Variants in PCDHA4 observed in about 807,000 individuals in gnomAD.
PCDHA4 encodes protocadherin alpha-4.
In PCDHA4, 49 loss-of-function variants were observed where a neutral mutation model predicts 61.4. The observed-to-expected ratio is 0.80, with a 90% CI of 0.63 to 1.01. The LOEUF (loss-of-function observed/expected upper bound fraction) is 1.01, where lower values mean the gene tolerates loss of function less well. PCDHA4 is among the 50% of genes least tolerant of loss of function. The pLI is 0.00. For missense variants in PCDHA4, 1,254 were observed against 1,235.8 expected, an observed-to-expected ratio of 1.01 and a Z score of -0.22; for synonymous variants, 590 against 550.3, an observed-to-expected ratio of 1.07 and a Z score of -1.01.
chr5:140,963,196 GA>G (rs199602110), intron 1 of PCDHA4, among the ~76,000 whole-genome samples: 26 of 147,674 alleles, frequency 1.8e-4, no homozygotes, highest in South Asian at 4.3e-4. Context: ...CTGTGAAAAT[GA>G]AAAAAAAAAC....
At position 140,877,671 on chromosome 5, in the gene PCDHA4, G is replaced by T. The variant is rs138162923; in HGVS notation, c.2385+68099G>T. 2.5e-6 allele frequency: 4 copies of T among 1,613,620 alleles called. No individual in the cohort carries two copies. The South Asian group carries it at 3.3e-5, about 13-fold the overall frequency. On this transcript the variant is annotated intron_variant, in intron 1 of 3. Coordinates refer to ENST00000530339, the MANE Select transcript of PCDHA4 (RefSeq NM_018907.4). ...CGCCGCCCACCGTGAGCCGGTGCGC[G>T]CCGGGCAAGCCCACGCTGGTGTGCT...
At chr5:140,938,796 C>T (rs563991147) in intron 1 of PCDHA4, among the ~76,000 whole-genome samples, 4 of 152,138 alleles carry the variant, frequency 2.6e-5, no homozygotes, top group East Asian at 3.9e-4. Context: ...ATGAAATAAT[C>T]GGTACCACAA....
At chr5:140,860,734 GTTTTTTA>G (rs1404225189) in intron 1 of PCDHA4, 2 of 152,108 alleles carry the variant, frequency 1.3e-5, no homozygotes, top group Non-Finnish European at 2.9e-5. Context: ...TGGTTTTTTT[GTTTTTTA>G]TTTTTTATTT....
At chr5:140,822,552 A>G (rs2150117268) in intron 1 of PCDHA4, 1 of 1,613,382 alleles carries the variant, frequency 6.2e-7, no homozygotes, top group Non-Finnish European at 8.5e-7. Context: ...GTGGGACATT[A>G]GTTATTAAAC....
At chr5:140,841,190 T>C (rs1442612057) in intron 1 of PCDHA4, 14 of 1,237,774 alleles carry the variant, frequency 1.1e-5, no homozygotes, top group Non-Finnish European at 1.6e-5. Context: ...TCAAAGTCTT[T>C]TCTCTGACAG....
At chr5:140,900,369 CTGGGT>C (rs1554189090) in intron 1 of PCDHA4, among the ~76,000 whole-genome samples, 2 of 152,158 alleles carry the variant, frequency 1.3e-5, no homozygotes, top group Non-Finnish European at 2.9e-5. Flanking sequence ...CCTCTGCCTC[CTGGGT>C]TCAAGCGATT....
chr5:140,844,325 T>G (rs2150370543), intron 1 of PCDHA4, among the ~76,000 whole-genome samples: 1 of 149,576 alleles, frequency 6.7e-6, no homozygotes, highest in African/African-American at 2.4e-5. Context: ...AATTTTATTA[T>G]AAACTAGTTA....
rs1274715970 is a variant in PCDHA4, at chr5:140,849,195, G to A, written c.2385+39623G>A. ...CGTTCAATTACTCATCACGGTACTG[G>A]ACAACAATGACAATGCCCCAGTGTT... On this transcript the variant is annotated intron_variant, in intron 1 of 3. Coordinates refer to ENST00000530339, the MANE Select transcript of PCDHA4 (RefSeq NM_018907.4). The A allele has an allele frequency of 2.4e-5, 25 of 1,038,632 alleles. 3 individuals carry two copies. The highest frequency in any genetic ancestry group is 1.1e-4 in the Admixed American group (4 of 36,524). 64.3% of individuals were successfully genotyped at this position (1,038,632 alleles called of 1,614,324 possible).
At chr5:140,874,845 A>G (rs1201887753) in intron 1 of PCDHA4, among the ~76,000 whole-genome samples, 1 of 152,236 alleles carries the variant, frequency 6.6e-6, no homozygotes, top group Non-Finnish European at 1.5e-5. Flanking sequence ...GGTATTAGAC[A>G]TATTTTAGTT....
intron 1 of PCDHA4, chr5:140,834,806 C>T (rs1160090879): frequency 1.9e-6 from 3 of 1,612,728 alleles, no homozygotes; most frequent in African/African-American, 1.3e-5. Flanking sequence ...GGAATCTGTT[C>T]ATCGCGGAAT....
At chr5:140,844,853 C>T (rs1215427504) in intron 1 of PCDHA4, among the ~76,000 whole-genome samples, 1 of 149,202 alleles carries the variant, frequency 6.7e-6, no homozygotes, top group Admixed American at 6.7e-5. Flanking sequence ...ACTGTTGGAC[C>T]TGCCTGGATA....
intron 3 of PCDHA4, among the ~76,000 whole-genome samples, chr5:140,988,057 C>G (rs557714672): frequency 2.0e-4 from 30 of 152,188 alleles, no homozygotes; most frequent in Non-Finnish European, 3.7e-4. Context: ...GCACTGTCAA[C>G]ATGAATTTTT....
chr5:140,879,869 T>C lies in PCDHA4; in HGVS notation c.2385+70297T>C, dbSNP rs782705975. Among the ~76,000 whole-genome samples, 13 of 152,220 alleles carry C rather than the reference T, an allele frequency of 8.5e-5. 1 individual carries two copies. The highest frequency in any genetic ancestry group is 1.5e-4 in the Non-Finnish European group (10 of 68,042). ...CCCATCTCAGCCTTCTCAGCTTTCA[T>C]GGTCACATTGCCTCCTCCTCTCCAT... On this transcript the variant is annotated intron_variant, in intron 1 of 3. Coordinates refer to ENST00000530339, the MANE Select transcript of PCDHA4 (RefSeq NM_018907.4).
At chr5:140,833,144 G>A (rs1580756021) in intron 1 of PCDHA4, among the ~76,000 whole-genome samples, 1 of 152,142 alleles carries the variant, frequency 6.6e-6, no homozygotes, top group South Asian at 2.1e-4. Context: ...AAAGTGTGAA[G>A]CAATACGAAT....
At chr5:140,856,204 G>A (rs782220766) in intron 1 of PCDHA4, 2 of 1,598,000 alleles carry the variant, frequency 1.3e-6, no homozygotes, top group African/African-American at 2.7e-5. Flanking sequence ...AGGACCTGGG[G>A]CTGGAGCTGG....
At chr5:140,834,669 T>C in intron 1 of PCDHA4, 3 of 1,614,208 alleles carry the variant, frequency 1.9e-6, no homozygotes, top group South Asian at 1.1e-5. Context: ...CGAGGAGCTG[T>C]GCGGGCGGAG....
At chr5:140,938,849 T>C (rs961236945) in intron 1 of PCDHA4, among the ~76,000 whole-genome samples, 1 of 152,102 alleles carries the variant, frequency 6.6e-6, no homozygotes, top group Admixed American at 6.6e-5. Flanking sequence ...CCTGCCCATG[T>C]ACCCCTGAAC....
Position 140,823,874 on chromosome 5 carries a change from T to C in PCDHA4, c.2385+14302T>C, listed in dbSNP as rs2150129906. 6.8e-6 allele frequency: 11 copies of C among 1,613,890 alleles called. No individual in the cohort carries two copies. In the Admixed American group the frequency reaches 1.8e-4, roughly 27 times the overall value. Reference sequence around the variant, plus strand: ...CTGGTGGATGTCAACGTGTACCTGATCATCGCCATCTGTGCGGTGTCCAGC... The same window carrying C: ...CTGGTGGATGTCAACGTGTACCTGACCATCGCCATCTGTGCGGTGTCCAGC... On this transcript the variant is annotated intron_variant, in intron 1 of 3. Coordinates refer to ENST00000530339, the MANE Select transcript of PCDHA4 (RefSeq NM_018907.4).
chr5:140,808,600 C>A lies in PCDHA4; in HGVS notation c.1413C>A (p.Gly471=). 2 of 1,613,924 alleles carry A rather than the reference C, an allele frequency of 1.2e-6. No individual in the cohort carries two copies. Among genetic ancestry groups the A allele is most frequent in the Non-Finnish European group, 1.7e-6 (2 of 1,179,966 alleles). ...TVFVKENNPP[G]CHIFTVSAWD... is the part of the protein sequence containing the mutation. ...TCGTGAAGGAGAACAACCCGCCGGGCTGCCACATCTTCACTGTGTCTGCGT... is the reference window on the plus strand; with the variant it reads ...TCGTGAAGGAGAACAACCCGCCGGGATGCCACATCTTCACTGTGTCTGCGT... Residue 471 remains glycine (G), a synonymous_variant, in exon 1 of 4, where the codon GGC becomes GGA. Coordinates refer to ENST00000530339, the MANE Select transcript of PCDHA4 (RefSeq NM_018907.4).
Sources: allele counts gnomAD v4.1 joint callset (sites outside exome capture counted in the v4.1 genomes callset), GRCh38; gene constraint gnomAD v4.1.1; transcripts MANE v1.5; gene names NCBI Gene and HGNC (gene_info 2026-07-23, HGNC 2026-07-21).